RBKS: variants seen among roughly 807,000 people sequenced by gnomAD.
The protein encoded by RBKS is ribokinase.
In RBKS, 33 loss-of-function variants were observed where a neutral mutation model predicts 33.9. That is an observed-to-expected ratio of 0.97 (90% CI 0.74 to 1.30). The LOEUF is 1.30. RBKS is among the 50% of genes most tolerant of loss of function. The pLI, the probability that RBKS is intolerant of heterozygous loss-of-function variation, is 0.00. For missense variants in RBKS, 361 were observed against 392.6 expected (o/e 0.92, Z 0.68); for synonymous variants, 125 against 143.0 (o/e 0.87, Z 0.90).
At chr2:27,832,944 G>A (rs888244806) in intron 5 of RBKS, among the ~76,000 whole-genome samples, 167 bp from the exon 6 acceptor site, 2 of 152,192 alleles carry the variant, frequency 1.3e-5, no homozygotes, top group Non-Finnish European at 2.9e-5. Context: ...CAATCTTCAC[G>A]ACAGCTGGGT....
At chr2:27,878,593 G>A (rs1165432101) in intron 1 of RBKS, among the ~76,000 whole-genome samples, 3 of 152,018 alleles carry the variant, frequency 2.0e-5, no homozygotes, top group African/African-American at 4.8e-5. Flanking sequence ...CTAGATCCCT[G>A]AGGAATCGCC....
chr2:27,798,590 C>T (rs560838358), intron 7 of RBKS, among the ~76,000 whole-genome samples: 22 of 152,272 alleles, frequency 1.4e-4, no homozygotes, highest in Non-Finnish European at 2.1e-4. Flanking sequence ...CATTAACTTC[C>T]AAGCCAGTCT....
chr2:27,808,442 G>C (rs184347791), intron 7 of RBKS, among the ~76,000 whole-genome samples: 2 of 152,306 alleles, frequency 1.3e-5, no homozygotes, highest in Admixed American at 1.3e-4. Context: ...AAAGACAAAA[G>C]AAATCCCCTG....
chr2:27,806,149 G>T (rs1033115482), intron 7 of RBKS, among the ~76,000 whole-genome samples: 1 of 152,176 alleles, frequency 6.6e-6, no homozygotes, highest in Non-Finnish European at 1.5e-5. Context: ...CTCCCAAAGT[G>T]CTGGGATTAA....
rs752737123 is a variant in RBKS at position 27,832,730 on chromosome 2, G to C, written c.562C>G (p.Gln188Glu). ...PAPAIADLDP[Q>E]FYTLSDVFCC... Reference sequence around the variant, plus strand: ...AACACATCTGAGAGGGTGTAGAACTGGGGATCCAGGTCAGCAATGGCAGGG... The same window carrying C: ...AACACATCTGAGAGGGTGTAGAACTCGGGATCCAGGTCAGCAATGGCAGGG... The change falls in exon 6 of 8, where the codon CAG becomes GAG. Residue 188 changes from glutamine (Q) to glutamate (E), a missense_variant. Gln to Glu is a conservative substitution (Grantham distance 29). Transcript: ENST00000302188. The C allele has an allele frequency of 6.2e-7, 1 of 1,612,566 alleles. No homozygotes were observed. Among genetic ancestry groups the C allele is most frequent in the Non-Finnish European group, 8.5e-7 (1 of 1,179,176 alleles).
chr2:27,796,839 A>G (rs1057118726), intron 7 of RBKS, among the ~76,000 whole-genome samples: 1 of 152,152 alleles, frequency 6.6e-6, no homozygotes, highest in Non-Finnish European at 1.5e-5. Context: ...CAATGTTGCC[A>G]TAGGGAGGCT....
chr2:27,801,956 AAAAAAAAAT>A lies in RBKS; in HGVS notation c.796-20177_796-20169del, dbSNP rs1436327959. ...AGTTTCCCGAGTAGCTGGGGAAAAA[AAAAAAAAAT>A]ATATATATATATATATATATATATA... On this transcript the variant is annotated intron_variant, in intron 7 of 7. Transcript: ENST00000302188. 1.6e-4 allele frequency among the ~76,000 whole-genome samples: 10 copies of A among 63,772 alleles called. 1 individual carries two copies. Among genetic ancestry groups the A allele is most frequent in the African/African-American group, 6.8e-4 (10 of 14,690 alleles). The allele number at this position is 63,772 out of a possible 152,430, so 41.8% of individuals were successfully genotyped here.
At chr2:27,852,799 A>T (rs996663101) in intron 2 of RBKS, among the ~76,000 whole-genome samples, 2 of 152,258 alleles carry the variant, frequency 1.3e-5, no homozygotes, top group East Asian at 3.8e-4. Flanking sequence ...GTTTAACACT[A>T]AAACTAAGAT....
At position 27,786,657 on chromosome 2, in the gene RBKS, C is replaced by T. The variant is rs553884142; in HGVS notation, c.796-4869G>A. Among the ~76,000 whole-genome samples the T allele has an allele frequency of 2.0e-5, 3 of 152,148 alleles. No homozygotes were observed. The East Asian group carries it at 5.8e-4, about 29-fold the overall frequency. ...ATTAGCCGGGCGTGGTGGTGGGTGC[C>T]TGTAATCCCAGCTACTCGGGAGGCT... On this transcript the variant is annotated intron_variant, in intron 7 of 7. Transcript: ENST00000302188.
At chr2:27,825,683 G>A (rs775629647) in intron 7 of RBKS, among the ~76,000 whole-genome samples, 21 of 152,348 alleles carry the variant, frequency 1.4e-4, no homozygotes, top group Middle Eastern at 3.4e-3. Context: ...AGAGCTGACA[G>A]GGAGGGAGCC....
At chr2:27,876,979 G>A (rs1664326850) in intron 1 of RBKS, among the ~76,000 whole-genome samples, 1 of 152,056 alleles carries the variant, frequency 6.6e-6, no homozygotes, top group Admixed American at 6.5e-5. Flanking sequence ...TCCAGTACAT[G>A]TCAAACTTCT....
intron 2 of RBKS, among the ~76,000 whole-genome samples, chr2:27,855,106 T>C (rs961512870): frequency 2.8e-4 from 41 of 147,634 alleles, no homozygotes; most frequent in South Asian, 1.9e-3. Flanking sequence ...TCTTAAATTC[T>C]TGCCTGGGCA....
chr2:27,829,210 A>C (rs1274123493), intron 6 of RBKS, among the ~76,000 whole-genome samples: 3 of 151,490 alleles, frequency 2.0e-5, no homozygotes, highest in Admixed American at 6.6e-5. Flanking sequence ...TTATTATATG[A>C]ATTTCATCTT....
chr2:27,790,198 C>T (rs1238408564), intron 7 of RBKS, among the ~76,000 whole-genome samples: 1 of 151,834 alleles, frequency 6.6e-6, no homozygotes, highest in Non-Finnish European at 1.5e-5. Context: ...AACCTGTACC[C>T]AGTAATTCAA....
intron 1 of RBKS, among the ~76,000 whole-genome samples, chr2:27,865,277 G>A (rs1051617750): frequency 4.6e-5 from 7 of 152,126 alleles, no homozygotes; most frequent in Admixed American, 2.6e-4. Context: ...CCGAGATCGC[G>A]CCACTGAACT....
chr2:27,865,255 G>A (rs1664073180), intron 1 of RBKS, among the ~76,000 whole-genome samples: 1 of 152,184 alleles, frequency 6.6e-6, no homozygotes, highest in African/African-American at 2.4e-5. Context: ...AGGAGGCGGA[G>A]GTTGCAGTGA....
At chr2:27,886,619 A>C (rs1573084003) in intron 1 of RBKS, among the ~76,000 whole-genome samples, 1 of 152,302 alleles carries the variant, frequency 6.6e-6, no homozygotes, top group South Asian at 2.1e-4. Flanking sequence ...TCACGCCTGT[A>C]ACCCCAGCAC....
chr2:27,837,919 G>T lies in RBKS; in HGVS notation c.515-5142C>A, dbSNP rs1678557861. 6.6e-6 allele frequency among the ~76,000 whole-genome samples: 1 copy of T among 152,142 alleles called. No homozygotes were observed. The highest frequency in any genetic ancestry group is 2.4e-5 in the African/African-American group (1 of 41,432). On this transcript the variant is annotated intron_variant, in intron 5 of 7. Coordinates refer to ENST00000302188, the MANE Select transcript of RBKS (RefSeq NM_022128.3). The surrounding 1 kb of genome is among the most constrained non-coding windows in gnomAD (Gnocchi z 4.0). ...CCATGTAACAAATCTGCATATGAAG[G>T]CCTGGTGCGGTGGTTCATGCCTGTA...
At chr2:27,828,754 CTT>C (rs1001919104) in intron 6 of RBKS, among the ~76,000 whole-genome samples, 4 of 152,112 alleles carry the variant, frequency 2.6e-5, no homozygotes, top group African/African-American at 9.7e-5. Flanking sequence ...ATTTCCATGA[CTT>C]TTTAGGTTTT....
Sources: gnomAD v4.1 joint callset for allele counts (sites outside exome capture counted in the v4.1 genomes callset) on GRCh38, gnomAD v4.1.1 for gene constraint, Gnocchi (gnomAD v3.1) non-coding constraint, MANE v1.5 for transcripts, NCBI Gene and HGNC (gene_info 2026-07-23, HGNC 2026-07-21) for gene names.